Variants in CDH12 observed in about 807,000 individuals in gnomAD.
CDH12 encodes the protein cadherin-12.
CDH12 carries 41 observed loss-of-function variants against 74.1 expected under a neutral mutation model. The ratio of observed to expected loss-of-function variants is 0.55; its 90% CI spans 0.43 to 0.72. The LOEUF is 0.72. Among genes scored for constraint, CDH12 ranks in the 30% least tolerant of loss-of-function variants. The probability of loss-of-function intolerance (pLI) is 0.00; values close to 1 mark genes in which losing one functional copy is unlikely to be tolerated. For missense variants in CDH12, 945 were observed against 977.2 expected (o/e 0.97, Z 0.44); for synonymous variants, 399 against 355.0 (o/e 1.12, Z -1.39).
chr5:22,813,238 A>C (rs1749233391), intron 1 of CDH12, among the ~76,000 whole-genome samples: 1 of 152,190 alleles, frequency 6.6e-6, no homozygotes, highest in Non-Finnish European at 1.5e-5. Flanking sequence ...TATATTATGA[A>C]GGACAACTAG....
rs1755534710 is a variant in CDH12, at chr5:21,945,455, AAAAG to A, written c.526+29632_526+29635del. On this transcript the variant is annotated intron_variant, in intron 6 of 14. Transcript: ENST00000382254. ...AAAAAAAAAAAAAAAAAAAAAAAAA[AAAAG>A]AGGTTGGAATTATCTAACAAGGATT... Among the ~76,000 whole-genome samples, 8 of 142,790 alleles carry A rather than the reference AAAAG, an allele frequency of 5.6e-5. 1 individual carries two copies. The highest frequency in any genetic ancestry group is 2.2e-4 in the African/African-American group (8 of 36,006). 93.7% of individuals were successfully genotyped at this position (142,790 alleles called of 152,430 possible). A position where few individuals can be genotyped will look rare whatever the true frequency, so the allele number is the denominator to read the frequency against.
chr5:22,265,502 T>C (rs775023307), intron 3 of CDH12, among the ~76,000 whole-genome samples: 20 of 152,288 alleles, frequency 1.3e-4, no homozygotes, highest in Non-Finnish European at 2.5e-4. Context: ...CTCTCGTATG[T>C]AGTTTTCTTA....
chr5:21,805,888 G>T (rs6887221), intron 9 of CDH12, among the ~76,000 whole-genome samples: 144,898 of 152,252 alleles, frequency 0.95, 68,990 homozygotes, highest in East Asian at 1. Context: ...TTTGTGGCAT[G>T]GCTTGGAGCC....
chr5:21,860,996 T>C (rs1323027295), intron 6 of CDH12, among the ~76,000 whole-genome samples: 1 of 152,068 alleles, frequency 6.6e-6, no homozygotes, highest in Admixed American at 6.6e-5. Context: ...ACCACAATTC[T>C]ACTCACTGCT....
chr5:22,526,584 G>A (rs550245216), intron 1 of CDH12, among the ~76,000 whole-genome samples: 19 of 152,200 alleles, frequency 1.2e-4, no homozygotes, highest in Non-Finnish European at 2.5e-4. Flanking sequence ...CATCTGGTGC[G>A]GCAGCTGCAA....
chr5:22,251,818 C>T (rs960820770), intron 3 of CDH12, among the ~76,000 whole-genome samples: 10 of 151,926 alleles, frequency 6.6e-5, no homozygotes, highest in Admixed American at 2.6e-4. Context: ...ATTACTTACA[C>T]GAAAAATTTT....
intron 1 of CDH12, among the ~76,000 whole-genome samples, chr5:22,750,663 T>C (rs1410424115): frequency 2.6e-5 from 4 of 152,152 alleles, no homozygotes; most frequent in Non-Finnish European, 4.4e-5. Flanking sequence ...AATGGAAAAC[T>C]ACAGTGTTTA....
intron 3 of CDH12, among the ~76,000 whole-genome samples, chr5:22,274,889 T>C (rs1736559885): frequency 6.6e-6 from 1 of 152,196 alleles, no homozygotes; most frequent in Non-Finnish European, 1.5e-5. Flanking sequence ...TTTCTTGAGT[T>C]AAATTTCGGG....
At chr5:22,299,092 TAAA>T (rs1293518837) in intron 3 of CDH12, among the ~76,000 whole-genome samples, 1 of 152,034 alleles carries the variant, frequency 6.6e-6, no homozygotes, top group East Asian at 1.9e-4. Context: ...AACAATGACT[TAAA>T]GAAGGTGAGA....
At position 22,059,253 on chromosome 5, in the gene CDH12, C is replaced by CCCTA. The variant is rs147939422; in HGVS notation, c.231+19192_231+19193insTAGG. On this transcript the variant is annotated intron_variant, in intron 5 of 14. Transcript: ENST00000382254. ...TTTTCAAAGTTCAGTTTTCCTTGTACTCTATCTATCTATCTATCTATCTAT... is the reference window on the plus strand; with the variant it reads ...TTTTCAAAGTTCAGTTTTCCTTGTACCCTATCTATCTATCTATCTATCTATCTAT... Among the ~76,000 whole-genome samples, 722 of 144,336 alleles carry CCCTA rather than the reference C, an allele frequency of 5.0e-3. 4 individuals carry two copies. Among genetic ancestry groups the CCCTA allele is most frequent in the African/African-American group, 0.018 (688 of 38,544 alleles). The allele number at this position is 144,336 out of a possible 152,430, so 94.7% of individuals were successfully genotyped here. A position where few individuals can be genotyped will look rare whatever the true frequency, so the allele number is the denominator to read the frequency against.
At chr5:22,043,016 A>C (rs1739686447) in intron 5 of CDH12, among the ~76,000 whole-genome samples, 1 of 152,132 alleles carries the variant, frequency 6.6e-6, no homozygotes, top group African/African-American at 2.4e-5. Context: ...AAATCTACTG[A>C]GCATTTTTAA....
intron 4 of CDH12, among the ~76,000 whole-genome samples, chr5:22,180,442 C>T (rs1749571194): frequency 6.6e-6 from 1 of 151,978 alleles, no homozygotes; most frequent in Non-Finnish European, 1.5e-5. Context: ...TAAGACTATC[C>T]TTTTGCCAAA....
chr5:22,586,505 A>AT (rs10690167), intron 1 of CDH12, among the ~76,000 whole-genome samples: 21,778 of 147,252 alleles, frequency 0.15, 2,069 homozygotes, highest in East Asian at 0.33. Context: ...ATATATATAT[A>AT]AATAAAAATA....
chr5:21,981,866 G>T (rs1757321176), intron 5 of CDH12, among the ~76,000 whole-genome samples: 1 of 151,968 alleles, frequency 6.6e-6, no homozygotes, highest in Non-Finnish European at 1.5e-5. Context: ...TAGAGATGAG[G>T]TTTCATCATA....
chr5:21,818,536 C>G (rs112029278), intron 8 of CDH12, among the ~76,000 whole-genome samples: 1 of 151,814 alleles, frequency 6.6e-6, no homozygotes, highest in African/African-American at 2.4e-5. Flanking sequence ...CCCTCCTTCC[C>G]CCAGAAAATG....
chr5:21,994,715 G>A (rs1283873641), intron 5 of CDH12, among the ~76,000 whole-genome samples: 1 of 152,118 alleles, frequency 6.6e-6, no homozygotes, highest in East Asian at 1.9e-4. Context: ...GAAGCCGGCT[G>A]GGCTTCTGGT....
Position 22,274,859 on chromosome 5 carries a change from T to G in CDH12, c.-332-62216A>C, listed in dbSNP as rs556609734. On this transcript the variant is annotated intron_variant, in intron 3 of 14. Coordinates refer to ENST00000382254, the MANE Select transcript of CDH12 (RefSeq NM_004061.5). ...TGCATCTTATTTTCATTTATTGAGC[T>G]AAATCTGAAATGATTTTCATTTCTT... Among the ~76,000 whole-genome samples the G allele has an allele frequency of 2.4e-4, 37 of 152,314 alleles. No homozygotes were observed. The East Asian group carries it at 3.5e-3, about 14-fold the overall frequency.
Position 21,842,201 on chromosome 5 carries a change from A to C in CDH12, c.774T>G (p.Thr258=). ...GTGGATTGTCATTGACATCGGTGAG[A>C]GTGATGTTGACTATTGTTGTTCCGG... The part of the protein sequence containing the change: ...GLAGTTIVNI[T]LTDVNDNPPR... Residue 258 remains threonine, a synonymous_variant, in exon 8 of 15, where the codon ACT becomes ACG. Transcript: ENST00000382254. 1 of 1,613,324 alleles carries C rather than the reference A, an allele frequency of 6.2e-7. No individual in the cohort carries two copies. The highest frequency in any genetic ancestry group is 8.5e-7 in the Non-Finnish European group (1 of 1,179,622).
chr5:22,271,726 C>T (rs1311927875), intron 3 of CDH12, among the ~76,000 whole-genome samples: 1 of 152,150 alleles, frequency 6.6e-6, no homozygotes, highest in Admixed American at 6.5e-5. Context: ...TCTATTGCTA[C>T]ATTTCCATCA....
Sources: allele counts gnomAD v4.1 joint callset (sites outside exome capture counted in the v4.1 genomes callset), GRCh38; gene constraint gnomAD v4.1.1; transcripts MANE v1.5; gene names NCBI Gene and HGNC (gene_info 2026-07-23, HGNC 2026-07-21).